NEO1: variants seen among roughly 807,000 people sequenced by gnomAD.
The protein encoded by NEO1 is neogenin 1, also known as neogenin.
NEO1 carries 63 observed loss-of-function variants against 159.7 expected under a neutral mutation model. The observed-to-expected ratio is 0.39, with a 90% CI of 0.32 to 0.49. The LOEUF (loss-of-function observed/expected upper bound fraction) is 0.49, where lower values mean the gene tolerates loss of function less well. NEO1 is among the 20% of genes least tolerant of loss of function. NEO1 has a pLI of 0.85. For synonymous variants in NEO1, 633 were observed against 662.0 expected (o/e 0.96, Z 0.67); for missense variants, 1,615 against 1,831.0 (o/e 0.88, Z 2.15).
At chr15:73,069,109 A>C (rs1361784951) in intron 1 of NEO1, among the ~76,000 whole-genome samples, 1 of 145,492 alleles carries the variant, frequency 6.9e-6, no homozygotes, top group African/African-American at 2.6e-5. Flanking sequence ...ATGCGTCACC[A>C]TGGGCTAATT....
intron 8 of NEO1, among the ~76,000 whole-genome samples, chr15:73,243,676 G>T (rs1287232604): frequency 6.6e-6 from 1 of 152,134 alleles, no homozygotes; most frequent in Non-Finnish European, 1.5e-5. Flanking sequence ...TTCATCTCAT[G>T]ATATTAAATA....
chr15:73,182,178 A>AC (rs1295316920), intron 7 of NEO1, among the ~76,000 whole-genome samples: 1 of 151,964 alleles, frequency 6.6e-6, no homozygotes, highest in Admixed American at 6.6e-5. Flanking sequence ...GGAAAGACCC[A>AC]CCCCTATAAT....
chr15:73,236,730 A>G (rs1221050475), intron 8 of NEO1, among the ~76,000 whole-genome samples: 1 of 152,206 alleles, frequency 6.6e-6, no homozygotes, highest in East Asian at 1.9e-4. Context: ...AGATACAGCT[A>G]TTGAGGTGGA....
intron 1 of NEO1, among the ~76,000 whole-genome samples, chr15:73,087,150 C>G (rs947937323): frequency 3.9e-5 from 6 of 152,054 alleles, no homozygotes; most frequent in African/African-American, 1.4e-4. Flanking sequence ...TTTGTAGATT[C>G]TCTTTTTTGA....
At chr15:73,268,838 A>G (rs2041034779) in intron 16 of NEO1, among the ~76,000 whole-genome samples, 1 of 152,166 alleles carries the variant, frequency 6.6e-6, no homozygotes, top group Non-Finnish European at 1.5e-5. Context: ...ATGGCACAGG[A>G]CAGCTCCATG....
At chr15:73,221,518 C>T (rs993811983) in intron 7 of NEO1, among the ~76,000 whole-genome samples, 2 of 152,230 alleles carry the variant, frequency 1.3e-5, no homozygotes, top group Non-Finnish European at 2.9e-5. Flanking sequence ...TTTGTCTGTG[C>T]CCTGCCCCCA....
chr15:73,092,198 G>A (rs2069731672), intron 1 of NEO1, among the ~76,000 whole-genome samples: 1 of 152,112 alleles, frequency 6.6e-6, no homozygotes, highest in Admixed American at 6.6e-5. Context: ...AACTACTTCT[G>A]TTCCCTGGAT....
Position 73,116,821 on chromosome 15 carries a change from A to G in NEO1, c.412A>G (p.Thr138Ala). The change falls in exon 2 of 29, where the codon ACT (threonine) becomes GCT (alanine). Residue 138 changes from threonine to alanine, a missense_variant. Thr to Ala is a moderately conservative substitution (Grantham distance 58). Transcript: ENST00000261908. Reference protein sequence around the residue: ...QCVATVESLGTIISRTAKLIV... With the variant: ...QCVATVESLGAIISRTAKLIV... ...TGTGGCCACTGTTGAGAGTCTTGGAACTATTATCAGTAGAACAGCGAAGCT... is the reference window on the plus strand; with the variant it reads ...TGTGGCCACTGTTGAGAGTCTTGGAGCTATTATCAGTAGAACAGCGAAGCT... 1 of 1,602,768 alleles carries G rather than the reference A, an allele frequency of 6.2e-7. No individual in the cohort carries two copies. The highest frequency in any genetic ancestry group is 8.5e-7 in the Non-Finnish European group (1 of 1,175,792).
chr15:73,081,409 T>G (rs1203298975), intron 1 of NEO1, among the ~76,000 whole-genome samples: 3 of 152,198 alleles, frequency 2.0e-5, no homozygotes, highest in Admixed American at 6.5e-5. Context: ...GAGGGCCAAT[T>G]GTAACTACCC....
rs979424125 is a variant in NEO1 at position 73,126,601 on chromosome 15, A to T, written c.878+31A>T. ...TGTTGTCTGCCTAAAAGCCTTCTTC[A>T]GCCTTAGCTTGAGACTTTGTCATAT... On this transcript the variant is annotated intron_variant, in intron 4 of 28. Coordinates refer to ENST00000261908, the MANE Select transcript of NEO1 (RefSeq NM_002499.4). The T allele has an allele frequency of 2.5e-6, 4 of 1,595,926 alleles. No homozygotes were observed. The Admixed American group carries it at 5.4e-5, about 21-fold the overall frequency.
At chr15:73,253,128 A>C (rs1219352135) in intron 11 of NEO1, among the ~76,000 whole-genome samples, 1 of 152,204 alleles carries the variant, frequency 6.6e-6, no homozygotes, top group African/African-American at 2.4e-5. Flanking sequence ...TACATCCTTG[A>C]AATAAATATC....
intron 15 of NEO1, among the ~76,000 whole-genome samples, chr15:73,260,888 C>CT (rs1255419841): frequency 6.6e-6 from 1 of 152,108 alleles, no homozygotes; most frequent in African/African-American, 2.4e-5. Flanking sequence ...GGATGAGATA[C>CT]TTTGAGTCTT....
At chr15:73,295,125 A>AATATATATATATATATAT (rs10524460) in intron 26 of NEO1, among the ~76,000 whole-genome samples, 1,637 of 99,854 alleles carry the variant, frequency 0.016, 96 homozygotes, top group East Asian at 0.091. Flanking sequence ...CTAAATATTA[A>AATATATATATATATATAT]ATATATATAT....
intron 8 of NEO1, among the ~76,000 whole-genome samples, chr15:73,240,487 T>C (rs2039438396): frequency 6.6e-6 from 1 of 152,154 alleles, no homozygotes; most frequent in Non-Finnish European, 1.5e-5. Context: ...CAGAAATTAG[T>C]AAGAGATTAG....
chr15:73,127,230 C>CA lies in NEO1; in HGVS notation c.878+674dup, dbSNP rs762924676. ...TGGGCGAGAGACCTAGACGCCGTCT[C>CA]AAAAAAAAAAAAAAGAAACTGTATT... On this transcript the variant is annotated intron_variant, in intron 4 of 28. Transcript: ENST00000261908. Among the ~76,000 whole-genome samples, 911 of 125,166 alleles carry CA rather than the reference C, an allele frequency of 7.3e-3. 13 individuals are homozygous for CA. Among genetic ancestry groups the CA allele is most frequent in the African/African-American group, 0.014 (472 of 34,642 alleles). The allele number at this position is 125,166 out of a possible 152,430, so 82.1% of individuals were successfully genotyped here.
intron 5 of NEO1, among the ~76,000 whole-genome samples, chr15:73,152,088 T>C (rs929420110): frequency 1.3e-5 from 2 of 152,196 alleles, no homozygotes; most frequent in African/African-American, 2.4e-5. Flanking sequence ...TAAATACATG[T>C]ATGTGTGGTG....
intron 1 of NEO1, among the ~76,000 whole-genome samples, chr15:73,093,220 G>A (rs530416163): frequency 1.3e-5 from 2 of 152,316 alleles, no homozygotes; most frequent in South Asian, 2.1e-4. Flanking sequence ...ATATCAACAT[G>A]ATGTATCACT....
intron 16 of NEO1, among the ~76,000 whole-genome samples, chr15:73,269,461 A>C (rs565330793): frequency 6.6e-6 from 1 of 152,204 alleles, no homozygotes; most frequent in South Asian, 2.1e-4. Context: ...CCCAGATTCA[A>C]GCGATTCTCA....
intron 5 of NEO1, among the ~76,000 whole-genome samples, chr15:73,164,023 T>A (rs2034384702): frequency 6.6e-6 from 1 of 151,132 alleles, no homozygotes; most frequent in Non-Finnish European, 1.5e-5. Flanking sequence ...TTTCTTATTT[T>A]TTTTTTTTTT....
Sources: gnomAD v4.1 joint callset for allele counts (sites outside exome capture counted in the v4.1 genomes callset) on GRCh38, gnomAD v4.1.1 for gene constraint, MANE v1.5 for transcripts, NCBI Gene and HGNC (gene_info 2026-07-23, HGNC 2026-07-21) for gene names.